TRIM55: variants seen among roughly 807,000 people sequenced by gnomAD.
TRIM55 encodes the protein tripartite motif containing 55.
Under a neutral mutation model 60.9 loss-of-function variants are expected in TRIM55, and 50 were observed. The observed-to-expected ratio is 0.82, with a 90% CI of 0.65 to 1.04. The LOEUF is 1.04. Ranked by LOEUF, TRIM55 falls within the 50% of genes least tolerant of loss-of-function variation. TRIM55 has a pLI of 0.00. For missense variants in TRIM55, 681 were observed against 666.9 expected (o/e 1.02, Z -0.23); for synonymous variants, 237 against 238.1 (o/e 1.00, Z 0.04).
chr8:66,131,339 C>T (rs1809145338), intron 2 of TRIM55, among the ~76,000 whole-genome samples: 1 of 152,216 alleles, frequency 6.6e-6, no homozygotes, highest in Admixed American at 6.5e-5. Context: ...ACCCCCAAGC[C>T]TCATTCCCCA....
chr8:66,124,385 A>G (rs1808742617), upstream of TRIM55, among the ~76,000 whole-genome samples: 1 of 152,186 alleles, frequency 6.6e-6, no homozygotes, highest in Non-Finnish European at 1.5e-5. Context: ...TGGCCAGCCA[A>G]TGCTTGAGCG....
intron 4 of TRIM55, among the ~76,000 whole-genome samples, chr8:66,138,441 G>A (rs1171796320): frequency 6.6e-6 from 1 of 152,172 alleles, no homozygotes; most frequent in Non-Finnish European, 1.5e-5. Flanking sequence ...CCAGGCTGGA[G>A]TGCAATGGCA....
intron 9 of TRIM55, among the ~76,000 whole-genome samples, chr8:66,158,531 C>A (rs1356779790): frequency 1.3e-5 from 2 of 152,128 alleles, no homozygotes; most frequent in Non-Finnish European, 2.9e-5. Flanking sequence ...CATCTAAATT[C>A]TTGAAGCCTC....
chr8:66,169,705 C>G (rs1811514926), intron 9 of TRIM55, among the ~76,000 whole-genome samples: 1 of 152,140 alleles, frequency 6.6e-6, no homozygotes, highest in Admixed American at 6.5e-5. Flanking sequence ...CTGAAACCAG[C>G]CTTGCAGCAG....
upstream of TRIM55, chr8:66,127,094 G>C: frequency 1.7e-6 from 1 of 583,276 alleles, no homozygotes; most frequent in Non-Finnish European, 2.9e-6. Context: ...GTGACCGCAG[G>C]CTGCTAAAAA....
At chr8:66,133,770 C>CTCTGAGT (rs1460053528) in intron 2 of TRIM55, among the ~76,000 whole-genome samples, 4 of 152,202 alleles carry the variant, frequency 2.6e-5, no homozygotes, top group Admixed American at 2.6e-4. Flanking sequence ...CTCTGCCTTT[C>CTCTGAGT]TCTGAGTTCT....
At chr8:66,128,190 G>A (rs1315402943) in intron 1 of TRIM55, 114 bp from the exon 2 acceptor site, 5 of 1,043,554 alleles carry the variant, frequency 4.8e-6, no homozygotes, top group Non-Finnish European at 6.9e-6. Flanking sequence ...ATGATCTTAT[G>A]GCAAGCTTAA....
chr8:66,129,971 T>C (rs1183471027), intron 2 of TRIM55, among the ~76,000 whole-genome samples: 1 of 152,232 alleles, frequency 6.6e-6, no homozygotes, highest in African/African-American at 2.4e-5. Flanking sequence ...GTACAGTGCT[T>C]TGCACAGAAT....
the TRIM55 span, among the ~76,000 whole-genome samples, chr8:66,114,137 C>T: frequency 7.1e-6 from 1 of 140,936 alleles, no homozygotes; most frequent in East Asian, 2.4e-4. Context: ...CTTCAGCGCT[C>T]AATGTTCTGA....
upstream of TRIM55, among the ~76,000 whole-genome samples, chr8:66,124,372 C>T (rs191366269): frequency 7.2e-5 from 11 of 152,222 alleles, no homozygotes; most frequent in South Asian, 6.2e-4. Context: ...AGCACAGTAT[C>T]CATGGCCAGC....
At chr8:66,150,754 C>T (rs1432461626) in intron 7 of TRIM55, among the ~76,000 whole-genome samples, 4 of 152,096 alleles carry the variant, frequency 2.6e-5, no homozygotes, top group African/African-American at 9.7e-5. Context: ...GGAACCTCCA[C>T]CTCCTGGGTT....
At chr8:66,114,424 T>TA in the TRIM55 span, 1 of 418,776 alleles carries the variant, frequency 2.4e-6, no homozygotes, top group Non-Finnish European at 4.8e-6. Context: ...CTTCTAGCTT[T>TA]AAATTTTTAG....
rs531871313 is a variant in TRIM55 at position 66,152,297 on chromosome 8, G to C, written c.986-80G>C. ...ACTCCCCAGCCTTGACCTTAACTAG[G>C]GCTATAAGCACTGGCCATTAACTGT... On this transcript the variant is annotated intron_variant, in intron 7 of 9. Coordinates refer to ENST00000315962, the MANE Select transcript of TRIM55 (RefSeq NM_184085.2). 4.0e-6 allele frequency: 6 copies of C among 1,491,164 alleles called. No homozygotes were observed. The African/African-American group carries it at 5.6e-5, about 14-fold the overall frequency. The allele number at this position is 1,491,164 out of a possible 1,614,324, so 92.4% of individuals were successfully genotyped here. A position where few individuals can be genotyped will look rare whatever the true frequency, so the allele number is the denominator to read the frequency against.
intron 2 of TRIM55, among the ~76,000 whole-genome samples, chr8:66,130,744 T>C (rs970956446): frequency 2.7e-5 from 4 of 149,764 alleles, no homozygotes; most frequent in Non-Finnish European, 5.9e-5. Flanking sequence ...CACTACAAGC[T>C]CTGCCTCCCA....
chr8:66,118,803 A>G, the TRIM55 span, among the ~76,000 whole-genome samples: 2 of 152,220 alleles, frequency 1.3e-5, no homozygotes, highest in African/African-American at 4.8e-5. Flanking sequence ...ACACCAGCTC[A>G]TTGAAATCCC....
intron 4 of TRIM55, among the ~76,000 whole-genome samples, chr8:66,143,891 G>A (rs112745073): frequency 0.027 from 4,093 of 152,234 alleles, 174 homozygotes; most frequent in African/African-American, 0.091. Context: ...GATCATTTTA[G>A]AGAGTGATAA....
chr8:66,165,215 T>C (rs1811263134), intron 9 of TRIM55, among the ~76,000 whole-genome samples: 1 of 152,186 alleles, frequency 6.6e-6, no homozygotes, highest in Admixed American at 6.5e-5. Flanking sequence ...GCAACCTTTG[T>C]GAGCCCCGCA....
intron 9 of TRIM55, among the ~76,000 whole-genome samples, chr8:66,169,763 A>G (rs1318496131): frequency 6.6e-6 from 1 of 152,204 alleles, no homozygotes. Flanking sequence ...CGAGATGGGC[A>G]GAAGGGACGG....
chr8:66,150,456 C>T lies in TRIM55; in HGVS notation c.975C>T (p.Asp325=), dbSNP rs764418166. 7 of 1,613,938 alleles carry T rather than the reference C, an allele frequency of 4.3e-6. No individual in the cohort carries two copies. Among genetic ancestry groups the T allele is most frequent in the Non-Finnish European group, 5.1e-6 (6 of 1,179,988 alleles). The change falls in exon 7 of 10, where the codon GAC becomes GAT. Residue 325 remains aspartate, a synonymous_variant. Coordinates refer to ENST00000315962, the MANE Select transcript of TRIM55 (RefSeq NM_184085.2). The stretch of plus-strand genomic sequence containing the variant: ...AAGAAAAGATAATACGTGAAATTGA[C>T]TTTTACAGAGGTTTGTTATTCTTTT... ...NREEKIIREI[D]FYREDEDEEE...
Sources: allele counts gnomAD v4.1 joint callset (sites outside exome capture counted in the v4.1 genomes callset), GRCh38; gene constraint gnomAD v4.1.1; transcripts MANE v1.5; gene names NCBI Gene and HGNC (gene_info 2026-07-23, HGNC 2026-07-21).